Variants in CDH12 observed in about 807,000 individuals in gnomAD.
CDH12 encodes cadherin-12.
A neutral mutation model predicts 74.1 loss-of-function variants in CDH12; 41 were observed. The observed-to-expected ratio is 0.55, with a 90% confidence interval of 0.43 to 0.72. The LOEUF is 0.72. CDH12 is among the 30% of genes least tolerant of loss of function. The pLI, the probability that CDH12 is intolerant of heterozygous loss-of-function variation, is 0.00. For synonymous variants in CDH12, 399 were observed against 355.0 expected (o/e 1.12, Z -1.39); for missense variants, 945 against 977.2 (o/e 0.97, Z 0.44).
intron 4 of CDH12, among the ~76,000 whole-genome samples, chr5:22,184,332 C>A (rs144655622): frequency 0.011 from 1,714 of 152,164 alleles, 35 homozygotes; most frequent in African/African-American, 0.039. Context: ...AATAGTTTTC[C>A]ATTTCCAAAA....
chr5:21,790,431 T>C (rs1319834561), intron 10 of CDH12, among the ~76,000 whole-genome samples: 5 of 152,112 alleles, frequency 3.3e-5, no homozygotes, highest in African/African-American at 7.2e-5. Context: ...AATGCTGAAG[T>C]AGAATTTGCA....
chr5:22,653,568 C>T (rs888801590), intron 1 of CDH12, among the ~76,000 whole-genome samples: 2 of 152,138 alleles, frequency 1.3e-5, no homozygotes, highest in South Asian at 2.1e-4. Flanking sequence ...ACTCTCATAT[C>T]ATACCTGCTG....
chr5:22,429,575 C>T (rs1368928654), intron 2 of CDH12, among the ~76,000 whole-genome samples: 1 of 152,148 alleles, frequency 6.6e-6, no homozygotes, highest in Non-Finnish European at 1.5e-5. Context: ...GCCATCAGCA[C>T]CATCCTATCA....
chr5:21,912,029 T>C (rs952114049), intron 6 of CDH12, among the ~76,000 whole-genome samples: 1 of 152,058 alleles, frequency 6.6e-6, no homozygotes, highest in Non-Finnish European at 1.5e-5. Flanking sequence ...AGGACAGTCT[T>C]TTTGGTTTGT....
rs539061377 is a variant in CDH12, at chr5:22,385,782, T to A, written c.-333+19475A>T. On this transcript the variant is annotated intron_variant, in intron 3 of 14. Transcript: ENST00000382254. ...CCACAGGCTGTACAAGAAGCATGACTGGGGAGGCCTCAGGAAACTTTCAAT... is the reference window on the plus strand; with the variant it reads ...CCACAGGCTGTACAAGAAGCATGACAGGGGAGGCCTCAGGAAACTTTCAAT... 2.0e-5 allele frequency among the ~76,000 whole-genome samples: 3 copies of A among 151,708 alleles called. No homozygotes were observed. In the South Asian group the frequency reaches 6.2e-4, roughly 32 times the overall value.
chr5:22,528,803 A>G (rs1316916735), intron 1 of CDH12, among the ~76,000 whole-genome samples: 1 of 152,080 alleles, frequency 6.6e-6, no homozygotes, highest in Non-Finnish European at 1.5e-5. Flanking sequence ...GTGTATCTTT[A>G]TTGCCAGAGA....
intron 6 of CDH12, among the ~76,000 whole-genome samples, chr5:21,931,844 C>G (rs1249040568): frequency 1.3e-5 from 2 of 152,114 alleles, no homozygotes; most frequent in East Asian, 3.9e-4. Context: ...CCTGTTTAAC[C>G]TCATTAGTAA....
intron 3 of CDH12, among the ~76,000 whole-genome samples, chr5:22,339,114 T>C (rs377169904): frequency 3.5e-4 from 54 of 152,164 alleles, no homozygotes; most frequent in African/African-American, 1.1e-3. Flanking sequence ...TCCTAACCCA[T>C]TGAAAATGGG....
chr5:21,837,318 A>T (rs1749589268), intron 8 of CDH12, among the ~76,000 whole-genome samples: 1 of 152,076 alleles, frequency 6.6e-6, no homozygotes, highest in Non-Finnish European at 1.5e-5. Context: ...GCATGATACA[A>T]ATGCCTATGC....
chr5:22,357,200 A>G (rs1283513864), intron 3 of CDH12, among the ~76,000 whole-genome samples: 2 of 152,140 alleles, frequency 1.3e-5, no homozygotes, highest in Admixed American at 1.3e-4. Flanking sequence ...AGATCAGCAG[A>G]ATTACAGAAC....
chr5:22,680,395 G>A (rs1741430160), intron 1 of CDH12, among the ~76,000 whole-genome samples: 1 of 151,900 alleles, frequency 6.6e-6, no homozygotes, highest in Non-Finnish European at 1.5e-5. Flanking sequence ...TTGATCTTTT[G>A]TATTATTATT....
rs186346537 is a variant in CDH12, at chr5:22,504,615, G to A, written c.-428+655C>T. Among the ~76,000 whole-genome samples, 598 of 152,092 alleles carry A rather than the reference G, an allele frequency of 3.9e-3. 3 individuals carry two copies. Among genetic ancestry groups the A allele is most frequent in the African/African-American group, 0.013 (559 of 41,502 alleles). On this transcript the variant is annotated intron_variant, in intron 2 of 14. Transcript: ENST00000382254. ...AGGGTAGATTCTCCCATTACCAAGC[G>A]GGGAGTGTCAAAGCAGCACTTTAAT...
In CDH12 at chr5:22,680,446, A is replaced by G. The variant is rs553019187; in HGVS notation, c.-523+172612T>C. On this transcript the variant is annotated intron_variant, in intron 1 of 14. Coordinates refer to ENST00000382254, the MANE Select transcript of CDH12 (RefSeq NM_004061.5). ...TATCTTCTCTTTTGATTTTTACAAAACTAACAGGTAATATCCAACTCACGT... is the reference window on the plus strand; with the variant it reads ...TATCTTCTCTTTTGATTTTTACAAAGCTAACAGGTAATATCCAACTCACGT... 5.3e-5 allele frequency among the ~76,000 whole-genome samples: 8 copies of G among 152,054 alleles called. 1 individual carries two copies. The highest frequency in any genetic ancestry group is 2.0e-4 in the Admixed American group (3 of 15,240).
intron 1 of CDH12, among the ~76,000 whole-genome samples, chr5:22,749,752 G>T (rs1316850867): frequency 6.6e-6 from 1 of 152,142 alleles, no homozygotes; most frequent in Non-Finnish European, 1.5e-5. Flanking sequence ...ATTTGAAAAT[G>T]GACAGTTAGA....
chr5:22,716,395 T>C lies in CDH12; in HGVS notation c.-523+136663A>G, dbSNP rs544594846. Reference sequence around the variant, plus strand: ...ACTGAAAAACTATCACCTAGTGACATTGCTGCTGTCATAACTTGCTGCAAC... The same window carrying C: ...ACTGAAAAACTATCACCTAGTGACACTGCTGCTGTCATAACTTGCTGCAAC... On this transcript the variant is annotated intron_variant, in intron 1 of 14. Transcript: ENST00000382254. 1.7e-4 allele frequency among the ~76,000 whole-genome samples: 25 copies of C among 151,278 alleles called. No homozygotes were observed. In the East Asian group the frequency reaches 4.7e-3, roughly 29 times the overall value.
chr5:22,145,951 G>A (rs1259517686), intron 4 of CDH12, among the ~76,000 whole-genome samples: 2 of 151,902 alleles, frequency 1.3e-5, no homozygotes, highest in South Asian at 2.1e-4. Context: ...CATAATGATC[G>A]CCTATCTTTC....
In CDH12 at chr5:22,497,527, C is replaced by T. The variant is rs1316904519; in HGVS notation, c.-428+7743G>A. 2.0e-5 allele frequency among the ~76,000 whole-genome samples: 3 copies of T among 152,038 alleles called. No homozygotes were observed. In the East Asian group the frequency reaches 5.8e-4, roughly 29 times the overall value. ...CTAAAAAGGAGCTTCCTAATTCCAC[C>T]CCTGGGCCTCTATAGTGCACTATCA... On this transcript the variant is annotated intron_variant, in intron 2 of 14. Transcript: ENST00000382254.
rs150458524 is a variant in CDH12 at position 21,795,793 on chromosome 5, C to T, written c.1256+6374G>A. Among the ~76,000 whole-genome samples, 523 of 152,030 alleles carry T rather than the reference C, an allele frequency of 3.4e-3. 3 individuals carry two copies. The highest frequency in any genetic ancestry group is 0.011 in the African/African-American group (475 of 41,520). Reference sequence around the variant, plus strand: ...CCAAAGTGTGCTGTGTCTGAACTTACGTTTTTGCACACATGCTAAGATTTC... The same window carrying T: ...CCAAAGTGTGCTGTGTCTGAACTTATGTTTTTGCACACATGCTAAGATTTC... On this transcript the variant is annotated intron_variant, in intron 10 of 14. Transcript: ENST00000382254.
chr5:22,466,426 A>ATGG (rs1554043013), intron 2 of CDH12, among the ~76,000 whole-genome samples: 1 of 152,182 alleles, frequency 6.6e-6, no homozygotes, highest in Non-Finnish European at 1.5e-5. Flanking sequence ...AGAGCAAAAA[A>ATGG]GGTGAGTATG....
Sources: gnomAD v4.1 joint callset for allele counts (sites outside exome capture counted in the v4.1 genomes callset) on GRCh38, gnomAD v4.1.1 for gene constraint, MANE v1.5 for transcripts, NCBI Gene and HGNC (gene_info 2026-07-23, HGNC 2026-07-21) for gene names.